The following NASP variants were observed in gnomAD, a reference collection of about 807,000 sequenced individuals.
NASP encodes the protein nuclear autoantigenic sperm protein.
Under a neutral mutation model 89.5 loss-of-function variants are expected in NASP, and 24 were observed. The observed-to-expected ratio is 0.27, with a 90% confidence interval of 0.19 to 0.38. NASP has a LOEUF of 0.38. Ranked by LOEUF, NASP falls within the 10% of genes least tolerant of loss-of-function variation. The probability of loss-of-function intolerance (pLI) is 1.00; values close to 1 mark genes in which losing one functional copy is unlikely to be tolerated. For missense variants in NASP, 848 were observed against 921.4 expected, an observed-to-expected ratio of 0.92 and a Z score of 1.03; for synonymous variants, 306 against 324.7, an observed-to-expected ratio of 0.94 and a Z score of 0.62.
intron 3 of NASP, among the ~76,000 whole-genome samples, chr1:45,603,694 C>T (rs1643878966): frequency 6.6e-6 from 1 of 151,622 alleles, no homozygotes; most frequent in Non-Finnish European, 1.5e-5. Context: ...ACTGCAACCC[C>T]CGCCTCCCTG....
At chr1:45,598,473 C>T (rs928016263) in intron 2 of NASP, among the ~76,000 whole-genome samples, 3 of 152,230 alleles carry the variant, frequency 2.0e-5, no homozygotes, top group African/African-American at 7.2e-5. Context: ...TCTTCCTTGT[C>T]GTCCCTACCT....
chr1:45,590,913 A>G (rs1009289546), intron 1 of NASP, among the ~76,000 whole-genome samples: 2 of 152,170 alleles, frequency 1.3e-5, no homozygotes, highest in Non-Finnish European at 2.9e-5. Flanking sequence ...ATAAGGATCC[A>G]AGACCATTTC....
At chr1:45,589,278 C>G (rs562479516) in intron 1 of NASP, among the ~76,000 whole-genome samples, 15 of 152,218 alleles carry the variant, frequency 9.9e-5, no homozygotes, top group African/African-American at 3.6e-4. Flanking sequence ...CAGGCATGTA[C>G]CACCATGCCC....
rs1644150054 is a variant in NASP, at chr1:45,618,602, G to T, written c.*461G>T. The T allele has an allele frequency of 6.4e-6, 1 of 156,892 alleles. No individual in the cohort carries two copies. The highest frequency in any genetic ancestry group is 1.4e-5 in the Non-Finnish European group (1 of 70,574). 9.7% of individuals were successfully genotyped at this position (156,892 alleles called of 1,614,324 possible). A position where few individuals can be genotyped will look rare whatever the true frequency, so the allele number is the denominator to read the frequency against. On this transcript the variant is annotated 3_prime_UTR_variant, in exon 15 of 15. Coordinates refer to ENST00000350030, the MANE Select transcript of NASP (RefSeq NM_002482.4). The stretch of plus-strand genomic sequence containing the variant: ...GTGAGCCAGGCCTAGGATGGTTCTT[G>T]TCCTATATCCACCTAGTCTTCACCT...
In NASP at chr1:45,615,391, G is replaced by A. The variant is rs199692248; in HGVS notation, c.1942G>A (p.Glu648Lys). 3 of 1,614,172 alleles carry A rather than the reference G, an allele frequency of 1.9e-6. No homozygotes were observed. The highest frequency in any genetic ancestry group is 1.1e-5 in the South Asian group (1 of 91,082). ...TGAGGAACTAAAGGAACTGCTACCC[G>A]AAATTAGAGAGAAGATAGAAGATGC... ...EIEELKELLP[E>K]IREKIEDAKE... The change falls in exon 11 of 15, where the codon GAA becomes AAA. Residue 648 changes from glutamate (E) to lysine (K), a missense_variant. Glu to Lys is a moderately conservative substitution (Grantham distance 56, BLOSUM62 1). Transcript: ENST00000350030.
intron 2 of NASP, among the ~76,000 whole-genome samples, chr1:45,601,895 G>C (rs1643856550): frequency 6.6e-6 from 1 of 151,648 alleles, no homozygotes; most frequent in African/African-American, 2.4e-5. Context: ...TGGGACTACA[G>C]GCACCCGCCA....
chr1:45,606,975 A>G (rs777970438), intron 5 of NASP, among the ~76,000 whole-genome samples: 2 of 152,060 alleles, frequency 1.3e-5, no homozygotes, highest in Non-Finnish European at 2.9e-5. Context: ...TACATTTTTT[A>G]TGTGTGCGAA....
intron 11 of NASP, 133 bp downstream of exon 11, chr1:45,615,604 A>G: frequency 1.2e-6 from 1 of 839,096 alleles, no homozygotes; most frequent in Non-Finnish European, 1.9e-6. Context: ...CTATCAAGTA[A>G]TGCAGTGGTT....
intron 7 of NASP, 55 bp from the exon 8 acceptor site, chr1:45,614,041 T>A: frequency 6.6e-6 from 9 of 1,356,068 alleles, no homozygotes; most frequent in Non-Finnish European, 8.4e-6. Context: ...AGTTATACAT[T>A]TAGATTTGTA....
At chr1:45,614,492 C>G in intron 9 of NASP, 126 bp downstream of exon 9, 1 of 738,374 alleles carries the variant, frequency 1.4e-6, no homozygotes, top group Non-Finnish European at 2.3e-6. Context: ...GACCCTGGAA[C>G]AATGAACAGT....
At chr1:45,610,738 T>A (rs1442096468) in intron 6 of NASP, 1 of 152,276 alleles carries the variant, frequency 6.6e-6, no homozygotes, top group East Asian at 1.9e-4. Context: ...CAGCTGAGAC[T>A]ATGGGTGTGT....
intron 4 of NASP, among the ~76,000 whole-genome samples, chr1:45,605,962 G>A (rs188540013): frequency 1.3e-5 from 2 of 151,952 alleles, no homozygotes; most frequent in African/African-American, 4.8e-5. Flanking sequence ...TTTTAGTAGA[G>A]ATGGGGTTTC....
chr1:45,618,068 A>T lies in NASP; in HGVS notation c.2294A>T (p.Asn765Ile). The T allele has an allele frequency of 6.2e-7, 1 of 1,600,872 alleles. No individual in the cohort carries two copies. Among genetic ancestry groups the T allele is most frequent in the Non-Finnish European group, 8.5e-7 (1 of 1,173,452 alleles). Residue 765 changes from asparagine to isoleucine, a missense_variant, in exon 15 of 15, where the codon AAT becomes ATT. Asn to Ile is a moderately radical substitution (Grantham distance 149). Around this residue, in one of 5 missense-constraint regions of NASP, gnomAD observed 218 missense variants for 219.6 expected, o/e 0.99. Transcript: ENST00000350030. ...VSENMEEEAE[N>I]QAESRAAVEG... is the part of the protein sequence containing the mutation. ...GTTCTGTTTGTCTTCCAGGCTGAGA[A>T]TCAGGCTGAAAGCCGGGCAGCAGTG...
Position 45,618,192 on chromosome 1 carries a change from T to C in NASP, c.*51T>C. 7.1e-7 allele frequency: 1 copy of C among 1,415,332 alleles called. No individual in the cohort carries two copies. Among genetic ancestry groups the C allele is most frequent in the East Asian group, 2.5e-5 (1 of 39,972 alleles). 87.7% of individuals were successfully genotyped at this position (1,415,332 alleles called of 1,614,324 possible). On this transcript the variant is annotated 3_prime_UTR_variant, in exon 15 of 15. Coordinates refer to ENST00000350030, the MANE Select transcript of NASP (RefSeq NM_002482.4). ...GGAAAGTGTTTTTGTATATAATGTATTTTTTCACTTTTGGAGGATTCTTTT... is the reference window on the plus strand; with the variant it reads ...GGAAAGTGTTTTTGTATATAATGTACTTTTTCACTTTTGGAGGATTCTTTT...
chr1:45,616,801 C>A, intron 13 of NASP, 98 bp downstream of exon 13: 3 of 1,134,370 alleles, frequency 2.6e-6, no homozygotes, highest in Non-Finnish European at 4.0e-6. Flanking sequence ...GCATATAAGA[C>A]ACTTATTTTC....
intron 1 of NASP, among the ~76,000 whole-genome samples, chr1:45,589,274 T>C (rs1302567730): frequency 6.6e-6 from 1 of 152,104 alleles, no homozygotes; most frequent in East Asian, 1.9e-4. Context: ...ACTACAGGCA[T>C]GTACCACCAT....
intron 3 of NASP, 103 bp downstream of exon 3, chr1:45,602,468 A>T: frequency 3.6e-6 from 4 of 1,116,140 alleles, no homozygotes; most frequent in South Asian, 3.1e-5. Flanking sequence ...CAAGAGTTTT[A>T]AAACATTTGA....
intron 13 of NASP, 90 bp downstream of exon 13, chr1:45,616,793 A>G (rs1644113775): frequency 8.3e-7 from 1 of 1,198,846 alleles, no homozygotes; most frequent in East Asian, 2.3e-5. Context: ...TAGTTGGTGC[A>G]TATAAGACAC....
intron 3 of NASP, among the ~76,000 whole-genome samples, 194 bp from the exon 4 acceptor site, chr1:45,604,742 T>C (rs1348437360): frequency 1.3e-5 from 2 of 152,218 alleles, no homozygotes; most frequent in African/African-American, 4.8e-5. Context: ...AGGATGTATA[T>C]ATATTATATA....
Sources: allele counts gnomAD v4.1 joint callset (sites outside exome capture counted in the v4.1 genomes callset), GRCh38; gene constraint gnomAD v4.1.1; regional missense constraint gnomAD v4.1.1; transcripts MANE v1.5; gene names NCBI Gene and HGNC (gene_info 2026-07-23, HGNC 2026-07-21).